The following BOD1L2 variants were observed in gnomAD, a reference collection of about 807,000 sequenced individuals.
The protein encoded by BOD1L2 is biorientation of chromosomes in cell division 1 like 2.
A neutral mutation model predicts 5.3 loss-of-function variants in BOD1L2; 6 were observed. That is an observed-to-expected ratio of 1.14 (90% CI 0.62 to 2.25). The LOEUF (loss-of-function observed/expected upper bound fraction) is 2.25, where lower values mean the gene tolerates loss of function less well. Among genes scored for constraint, BOD1L2 ranks in the 30% most tolerant of loss-of-function variants. The pLI, the probability that BOD1L2 is intolerant of heterozygous loss-of-function variation, is 0.00. For missense variants in BOD1L2, 210 were observed against 227.2 expected, an observed-to-expected ratio of 0.92 and a Z score of 0.49; for synonymous variants, 96 against 96.3, an observed-to-expected ratio of 1.00 and a Z score of 0.02.
Position 57,147,890 on chromosome 18 carries a change from G to T in BOD1L2, c.*59G>T. On this transcript the variant is annotated 3_prime_UTR_variant, in exon 1 of 1. Coordinates refer to ENST00000585477, the MANE Select transcript of BOD1L2 (RefSeq NM_001257964.2). ...AATTTTTGGTGAAGAAATGGATTCG[G>T]TTACATAAGAGTGCAGTTTCAGATT... The T allele has an allele frequency of 6.7e-7, 1 of 1,493,932 alleles. No homozygotes were observed. The highest frequency in any genetic ancestry group is 9.0e-7 in the Non-Finnish European group (1 of 1,111,224). 92.5% of individuals were successfully genotyped at this position (1,493,932 alleles called of 1,614,324 possible).
rs537569811 is a variant in BOD1L2 at position 57,147,377 on chromosome 18, G to A, written c.65G>A (p.Gly22Asp). ...CCGGCCTCGACCCGGGCCAGCGGGG[G>A]CGGCGGCCCCATCAACCCGGCCTCG... ...AGPASTRASG[G>D]GGPINPASLP... The change falls in exon 1 of 1, where the codon GGC becomes GAC. Residue 22 changes from glycine (G) to aspartate (D), a missense_variant. By Grantham distance (94) the Gly-to-Asp change is moderately conservative (BLOSUM62 -1). Coordinates refer to ENST00000585477, the MANE Select transcript of BOD1L2 (RefSeq NM_001257964.2). 665 of 1,520,740 alleles carry A rather than the reference G, an allele frequency of 4.4e-4. 2 individuals are homozygous for A. The African/African-American group carries it at 8.4e-3, about 19-fold the overall frequency. 94.2% of individuals were successfully genotyped at this position (1,520,740 alleles called of 1,614,324 possible).
chr18:57,147,303 G>C lies in BOD1L2; in HGVS notation c.-10G>C. 8.6e-7 allele frequency: 1 copy of C among 1,166,800 alleles called. No individual in the cohort carries two copies. Among genetic ancestry groups the C allele is most frequent in the Admixed American group, 4.8e-5 (1 of 20,878 alleles). The allele number at this position is 1,166,800 out of a possible 1,614,324, so 72.3% of individuals were successfully genotyped here. On this transcript the variant is annotated 5_prime_UTR_variant, in exon 1 of 1. Transcript: ENST00000585477. ...TATAATCGGTTTCCTTGTGGGCCCG[G>C]TGCGCAGCCATGGCGGACGGTGGCG...
rs745869717 is a variant in BOD1L2, at chr18:57,147,603, A to G, written c.291A>G (p.Gln97=). 1.9e-5 allele frequency: 31 copies of G among 1,613,132 alleles called. No homozygotes were observed. Among genetic ancestry groups the G allele is most frequent in the African/African-American group, 1.3e-5 (1 of 74,934 alleles). ...QEWNPPANDN[Q]LHDGLRQSVV... is the part of the protein sequence containing the mutation. ...GGAATCCTCCAGCAAACGACAACCA[A>G]CTGCACGATGGTCTGAGGCAGAGTG... is the stretch of plus-strand genomic sequence containing the variant. The change falls in exon 1 of 1, where the codon CAA becomes CAG. Residue 97 remains glutamine (Q), a synonymous_variant. Coordinates refer to ENST00000585477, the MANE Select transcript of BOD1L2 (RefSeq NM_001257964.2).
At position 57,147,807 on chromosome 18, in the gene BOD1L2, A is replaced by G. The variant is rs776265073; in HGVS notation, c.495A>G (p.Pro165=). 2.5e-6 allele frequency: 4 copies of G among 1,612,328 alleles called. No homozygotes were observed. Among genetic ancestry groups the G allele is most frequent in the Middle Eastern group, 3.3e-4 (2 of 6,046 alleles). Residue 165 remains proline (P), a synonymous_variant, in exon 1 of 1, where the codon CCA becomes CCG. Coordinates refer to ENST00000585477, the MANE Select transcript of BOD1L2 (RefSeq NM_001257964.2). ...LPPEPEGQDP[P]APSQDTS is the part of the protein sequence containing the mutation. ...CAGAGCCAGAAGGCCAGGACCCTCCAGCTCCGTCTCAGGACACTTCCTAAG... is the reference window on the plus strand; with the variant it reads ...CAGAGCCAGAAGGCCAGGACCCTCCGGCTCCGTCTCAGGACACTTCCTAAG...
Position 57,147,416 on chromosome 18 carries a change from AC to A in BOD1L2, c.107del (p.Pro36LeufsTer37). 1 of 1,539,464 alleles carries A rather than the reference AC, an allele frequency of 6.5e-7. No homozygotes were observed. Among genetic ancestry groups the A allele is most frequent in the Non-Finnish European group, 8.7e-7 (1 of 1,147,544 alleles). On this transcript the variant is annotated frameshift_variant, in exon 1 of 1. Transcript: ENST00000585477. LOFTEE classifies it high-confidence loss of function. ...AACCCGGCCTCGTTGCCCCCTGGCG[AC>A]CCTCAGCTCATCGCTATCATCGTGG... The part of the protein sequence containing the change: ...PINPASLPPG[D>X]PQLIAIIVGQ...
rs73958876 is a variant in BOD1L2 at position 57,148,016 on chromosome 18, C to T, written c.*185C>T. Reference sequence around the variant, plus strand: ...CAAGTTCGCCAGAGAGAAAGTTGACCGTGGCACCCTCCTGCATTGCGCTGC... The same window carrying T: ...CAAGTTCGCCAGAGAGAAAGTTGACTGTGGCACCCTCCTGCATTGCGCTGC... On this transcript the variant is annotated 3_prime_UTR_variant, in exon 1 of 1. Transcript: ENST00000585477. The T allele has an allele frequency of 1.8e-5, 12 of 679,678 alleles. No homozygotes were observed. Among genetic ancestry groups the T allele is most frequent in the Non-Finnish European group, 1.9e-5 (8 of 420,836 alleles). 42.1% of individuals were successfully genotyped at this position (679,678 alleles called of 1,614,324 possible). A position where few individuals can be genotyped will look rare whatever the true frequency, so the allele number is the denominator to read the frequency against.
Position 57,147,226 on chromosome 18 carries a change from G to A in BOD1L2, c.-87G>A. ...CTCCTTGGGGCCCTCCTCCTTCACC[G>A]CCCCCTTAGCCACCTCTACACATTC... is the stretch of plus-strand genomic sequence containing the variant. On this transcript the variant is annotated 5_prime_UTR_variant, in exon 1 of 1. Coordinates refer to ENST00000585477, the MANE Select transcript of BOD1L2 (RefSeq NM_001257964.2). The A allele has an allele frequency of 1.8e-6, 2 of 1,092,766 alleles. No homozygotes were observed. Among genetic ancestry groups the A allele is most frequent in the South Asian group, 4.0e-5 (1 of 24,772 alleles). 67.7% of individuals were successfully genotyped at this position (1,092,766 alleles called of 1,614,324 possible).
chr18:57,147,423 G>T lies in BOD1L2; in HGVS notation c.111G>T (p.Gln37His). The T allele has an allele frequency of 6.5e-7, 1 of 1,541,592 alleles. No individual in the cohort carries two copies. The highest frequency in any genetic ancestry group is 8.7e-7 in the Non-Finnish European group (1 of 1,148,206). Reference sequence around the variant, plus strand: ...CCTCGTTGCCCCCTGGCGACCCTCAGCTCATCGCTATCATCGTGGGGCAGC... The same window carrying T: ...CCTCGTTGCCCCCTGGCGACCCTCATCTCATCGCTATCATCGTGGGGCAGC... Reference protein sequence around the residue: ...NPASLPPGDPQLIAIIVGQLK... With the variant: ...NPASLPPGDPHLIAIIVGQLK... The change falls in exon 1 of 1, where the codon CAG (glutamine) becomes CAT (histidine). Residue 37 changes from glutamine to histidine, a missense_variant. Gln to His is a conservative substitution (Grantham distance 24). Coordinates refer to ENST00000585477, the MANE Select transcript of BOD1L2 (RefSeq NM_001257964.2).
At position 57,148,101 on chromosome 18, in the gene BOD1L2, T is replaced by G. The variant is rs551934562; in HGVS notation, c.*270T>G. 1.4e-5 allele frequency: 5 copies of G among 358,724 alleles called. No homozygotes were observed. The highest frequency in any genetic ancestry group is 2.0e-5 in the African/African-American group (1 of 48,890). 22.2% of individuals were successfully genotyped at this position (358,724 alleles called of 1,614,324 possible). A position where few individuals can be genotyped will look rare whatever the true frequency, so the allele number is the denominator to read the frequency against. ...ACACACACTACAGAGAGGGAAACAC[T>G]ACCGCGACCCAGGATTGTCCTGAAA... On this transcript the variant is annotated 3_prime_UTR_variant, in exon 1 of 1. Coordinates refer to ENST00000585477, the MANE Select transcript of BOD1L2 (RefSeq NM_001257964.2).
rs2048935004 is a variant in BOD1L2, at chr18:57,147,932, C to T, written c.*101C>T. Reference sequence around the variant, plus strand: ...TTTCAGATTGAAGATAAGCCAAGTTCATCACTGAGCTCAAGATTTCCACCT... The same window carrying T: ...TTTCAGATTGAAGATAAGCCAAGTTTATCACTGAGCTCAAGATTTCCACCT... On this transcript the variant is annotated 3_prime_UTR_variant, in exon 1 of 1. Transcript: ENST00000585477. The T allele has an allele frequency of 8.1e-7, 1 of 1,230,656 alleles. No individual in the cohort carries two copies. Among genetic ancestry groups the T allele is most frequent in the Non-Finnish European group, 1.1e-6 (1 of 899,708 alleles). 76.2% of individuals were successfully genotyped at this position (1,230,656 alleles called of 1,614,324 possible).
In BOD1L2 at chr18:57,147,141, C is replaced by T. The variant is rs563288835; in HGVS notation, c.-172C>T. On this transcript the variant is annotated 5_prime_UTR_variant, in exon 1 of 1. Coordinates refer to ENST00000585477, the MANE Select transcript of BOD1L2 (RefSeq NM_001257964.2). ...TCCGCGGTCTGGAGCTGGCCTCCCCCACCGCCGCCCCAACCACCGGCCCCG... is the reference window on the plus strand; with the variant it reads ...TCCGCGGTCTGGAGCTGGCCTCCCCTACCGCCGCCCCAACCACCGGCCCCG... The T allele has an allele frequency of 4.4e-6, 4 of 918,114 alleles. No individual in the cohort carries two copies. Among genetic ancestry groups the T allele is most frequent in the Admixed American group, 5.5e-5 (1 of 18,128 alleles). 56.9% of individuals were successfully genotyped at this position (918,114 alleles called of 1,614,324 possible).
In BOD1L2 at chr18:57,149,707, G is replaced by A. The variant is rs929566496; in HGVS notation, c.*1876G>A. ...TCTTTCGAAGTACAAAAGAGCAGCT[G>A]GGCCACATCGGCACTAATCACTTGC... On this transcript the variant is annotated 3_prime_UTR_variant, in exon 1 of 1. Transcript: ENST00000585477. 1 of 152,148 alleles carries A rather than the reference G, an allele frequency of 6.6e-6. No homozygotes were observed. The highest frequency in any genetic ancestry group is 2.4e-5 in the African/African-American group (1 of 41,432). 9.4% of individuals were successfully genotyped at this position (152,148 alleles called of 1,614,324 possible).
chr18:57,148,342 A>G lies in BOD1L2; in HGVS notation c.*511A>G, dbSNP rs1381319904. ...ATTGTACACAACATTAGTGTCAGAT[A>G]GCTTTGAAGTTGTGACCTTCTTGTA... On this transcript the variant is annotated 3_prime_UTR_variant, in exon 1 of 1. Coordinates refer to ENST00000585477, the MANE Select transcript of BOD1L2 (RefSeq NM_001257964.2). 2 of 153,632 alleles carry G rather than the reference A, an allele frequency of 1.3e-5. No homozygotes were observed. Among genetic ancestry groups the G allele is most frequent in the African/African-American group, 2.4e-5 (1 of 41,470 alleles). The allele number at this position is 153,632 out of a possible 1,614,324, so 9.5% of individuals were successfully genotyped here.
rs2048941050 is a variant in BOD1L2, at chr18:57,148,723, G to T, written c.*892G>T. The T allele has an allele frequency of 6.6e-6, 1 of 152,178 alleles. No homozygotes were observed. The highest frequency in any genetic ancestry group is 1.5e-5 in the Non-Finnish European group (1 of 68,042). The allele number at this position is 152,178 out of a possible 1,614,324, so 9.4% of individuals were successfully genotyped here. A position where few individuals can be genotyped will look rare whatever the true frequency, so the allele number is the denominator to read the frequency against. ...GAGGCCCGTGATAATGGGGCCCCTG[G>T]TCACCTCTGCTGCCCCGTACACTGT... On this transcript the variant is annotated 3_prime_UTR_variant, in exon 1 of 1. Coordinates refer to ENST00000585477, the MANE Select transcript of BOD1L2 (RefSeq NM_001257964.2).
chr18:57,149,009 G>A lies in BOD1L2; in HGVS notation c.*1178G>A, dbSNP rs1312025162. On this transcript the variant is annotated 3_prime_UTR_variant, in exon 1 of 1. Coordinates refer to ENST00000585477, the MANE Select transcript of BOD1L2 (RefSeq NM_001257964.2). ...CTCTACAGCTGGCAGTGTACTAAAC[G>A]CTTAACTTCGCTTACCGTAGTAAGT... 2 of 152,200 alleles carry A rather than the reference G, an allele frequency of 1.3e-5. No homozygotes were observed. The highest frequency in any genetic ancestry group is 1.9e-4 in the East Asian group (1 of 5,206). The allele number at this position is 152,200 out of a possible 1,614,324, so 9.4% of individuals were successfully genotyped here. A position where few individuals can be genotyped will look rare whatever the true frequency, so the allele number is the denominator to read the frequency against.
chr18:57,147,632 T>G lies in BOD1L2; in HGVS notation c.320T>G (p.Val107Gly), dbSNP rs771779839. The change falls in exon 1 of 1, where the codon GTT becomes GGT. Residue 107 changes from valine to glycine, a missense_variant. By Grantham distance (109) the Val-to-Gly change is moderately radical (BLOSUM62 -3). Transcript: ENST00000585477. ...CACGATGGTCTGAGGCAGAGTGTGG[T>G]TCAGTCAGGGAGGTCAGAAGCTGGA... ...QLHDGLRQSV[V>G]QSGRSEAGVD... 1.9e-6 allele frequency: 3 copies of G among 1,613,200 alleles called. No homozygotes were observed. The Admixed American group carries it at 5.0e-5, about 27-fold the overall frequency.
At position 57,147,179 on chromosome 18, in the gene BOD1L2, C is replaced by T. The variant is rs1412806590; in HGVS notation, c.-134C>T. ...ACCACCGGCCCCGCCGCCATCACCA[C>T]CACCGTCACCTCCGCCGCTGCCTCC... On this transcript the variant is annotated 5_prime_UTR_variant, in exon 1 of 1. Transcript: ENST00000585477. 9.6e-6 allele frequency: 10 copies of T among 1,043,750 alleles called. No individual in the cohort carries two copies. Among genetic ancestry groups the T allele is most frequent in the Non-Finnish European group, 1.2e-5 (10 of 861,396 alleles). The allele number at this position is 1,043,750 out of a possible 1,614,324, so 64.7% of individuals were successfully genotyped here.
chr18:57,150,331 A>G lies in BOD1L2; in HGVS notation c.*2500A>G, dbSNP rs575127582. 6.6e-6 allele frequency: 1 copy of G among 152,284 alleles called. No homozygotes were observed. Among genetic ancestry groups the G allele is most frequent in the Non-Finnish European group, 1.5e-5 (1 of 68,034 alleles). The allele number at this position is 152,284 out of a possible 1,614,324, so 9.4% of individuals were successfully genotyped here. On this transcript the variant is annotated 3_prime_UTR_variant, in exon 1 of 1. Transcript: ENST00000585477. Reference sequence around the variant, plus strand: ...GAGAGCTCATTACGTGCGTGCGTGCATGCCTGCCCACTGGTCCCTGCTAAA... The same window carrying G: ...GAGAGCTCATTACGTGCGTGCGTGCGTGCCTGCCCACTGGTCCCTGCTAAA...
chr18:57,147,968 C>T lies in BOD1L2; in HGVS notation c.*137C>T. 12 of 1,014,364 alleles carry T rather than the reference C, an allele frequency of 1.2e-5. No homozygotes were observed. The highest frequency in any genetic ancestry group is 1.7e-5 in the Non-Finnish European group (12 of 715,592). 62.8% of individuals were successfully genotyped at this position (1,014,364 alleles called of 1,614,324 possible). A position where few individuals can be genotyped will look rare whatever the true frequency, so the allele number is the denominator to read the frequency against. On this transcript the variant is annotated 3_prime_UTR_variant, in exon 1 of 1. Transcript: ENST00000585477. ...TCAAGATTTCCACCTCGACCATGAG[C>T]AGTGACCAGATTGAAAGGGAAGCAA...
Sources: gnomAD v4.1 joint callset for allele counts on GRCh38, gnomAD v4.1.1 for gene constraint, MANE v1.5 for transcripts, NCBI Gene and HGNC (gene_info 2026-07-23, HGNC 2026-07-21) for gene names.